Variants in MTUS2 observed in about 807,000 individuals in gnomAD.
MTUS2 encodes microtubule-associated tumor suppressor candidate 2.
Under a neutral mutation model 114.1 loss-of-function variants are expected in MTUS2, and 40 were observed. The ratio of observed to expected loss-of-function variants is 0.35; its 90% CI spans 0.27 to 0.46. MTUS2 has a LOEUF of 0.46. MTUS2 is among the 20% of genes least tolerant of loss of function. MTUS2 has a pLI of 1.00. For synonymous variants in MTUS2, 688 were observed against 672.0 expected, an observed-to-expected ratio of 1.02 and a Z score of -0.37; for missense variants, 1,679 against 1,705.4, an observed-to-expected ratio of 0.98 and a Z score of 0.27.
At chr13:29,214,210 G>A (rs1895582726) in intron 5 of MTUS2, among the ~76,000 whole-genome samples, 2 of 149,924 alleles carry the variant, frequency 1.3e-5, no homozygotes, top group South Asian at 4.2e-4. Context: ...CATTTGCTTG[G>A]TAAGTATTCC....
intron 2 of MTUS2, among the ~76,000 whole-genome samples, chr13:28,933,209 A>G (rs1381674250): frequency 2.0e-5 from 3 of 151,782 alleles, no homozygotes; most frequent in Non-Finnish European, 4.4e-5. Context: ...ATTGGCCCAC[A>G]TGATTGTGAG....
At chr13:28,871,897 C>A (rs73454653) in intron 2 of MTUS2, among the ~76,000 whole-genome samples, 3 of 151,896 alleles carry the variant, frequency 2.0e-5, no homozygotes, top group Non-Finnish European at 4.4e-5. Context: ...TGCAAAGGCC[C>A]GGTGGAGGGA....
chr13:28,970,167 A>G (rs950130120), intron 2 of MTUS2, among the ~76,000 whole-genome samples: 1 of 152,216 alleles, frequency 6.6e-6, no homozygotes, highest in African/African-American at 2.4e-5. Flanking sequence ...ATTTAGTTTT[A>G]TTTTTATGAA....
chr13:29,013,529 T>C (rs1885938695), intron 2 of MTUS2, among the ~76,000 whole-genome samples: 1 of 152,234 alleles, frequency 6.6e-6, no homozygotes, highest in Admixed American at 6.5e-5. Flanking sequence ...CCCTCTTTCC[T>C]TATGAAATCA....
At chr13:29,047,734 C>A (rs964223391) in intron 4 of MTUS2, among the ~76,000 whole-genome samples, 4 of 152,042 alleles carry the variant, frequency 2.6e-5, no homozygotes, top group African/African-American at 9.7e-5. Context: ...AGGATGGTCT[C>A]GATCTCCTGA....
intron 2 of MTUS2, among the ~76,000 whole-genome samples, chr13:28,897,290 A>G (rs988306512): frequency 8.5e-5 from 13 of 152,358 alleles, no homozygotes; most frequent in East Asian, 7.7e-4. Flanking sequence ...CAAAAAACAC[A>G]TGAAAAAATG....
rs146685780 is a variant in MTUS2, at chr13:29,212,383, C to T, written c.2645-69321C>T. Among the ~76,000 whole-genome samples, 516 of 152,304 alleles carry T rather than the reference C, an allele frequency of 3.4e-3. 4 individuals carry two copies. The highest frequency in any genetic ancestry group is 0.012 in the African/African-American group (490 of 41,566). On this transcript the variant is annotated intron_variant, in intron 5 of 15. Coordinates refer to ENST00000612955, the MANE Select transcript of MTUS2 (RefSeq NM_001033602.4). Reference sequence around the variant, plus strand: ...ACACCACATGTGTGGGGTTTCCACACCAAGCAATTCTCCACTTCTCTGTGG... The same window carrying T: ...ACACCACATGTGTGGGGTTTCCACATCAAGCAATTCTCCACTTCTCTGTGG...
chr13:29,263,944 A>G (rs746357483), intron 5 of MTUS2, among the ~76,000 whole-genome samples: 1 of 152,206 alleles, frequency 6.6e-6, no homozygotes, highest in Non-Finnish European at 1.5e-5. Context: ...TCCCCTGCAC[A>G]TAGTCTCCCA....
At chr13:29,168,820 C>G (rs946027575) in intron 5 of MTUS2, among the ~76,000 whole-genome samples, 6 of 151,486 alleles carry the variant, frequency 4.0e-5, no homozygotes, top group African/African-American at 1.2e-4. Flanking sequence ...TAAGCCTGGC[C>G]CCAGGGGGAG....
intron 2 of MTUS2, among the ~76,000 whole-genome samples, chr13:28,931,146 T>C (rs1340223999): frequency 6.6e-6 from 1 of 152,268 alleles, no homozygotes; most frequent in Non-Finnish European, 1.5e-5. Flanking sequence ...TCCTTGACTT[T>C]GGGCATGGCC....
At chr13:28,993,400 C>A (rs982320985) in intron 2 of MTUS2, among the ~76,000 whole-genome samples, 1 of 152,136 alleles carries the variant, frequency 6.6e-6, no homozygotes, top group Non-Finnish European at 1.5e-5. Context: ...TAGCCAATAC[C>A]TGTTATTTTG....
intron 2 of MTUS2, among the ~76,000 whole-genome samples, chr13:29,004,432 A>C (rs998055929): frequency 6.6e-6 from 1 of 152,212 alleles, no homozygotes; most frequent in Non-Finnish European, 1.5e-5. Flanking sequence ...TGAAATGCTT[A>C]TTTATATAGT....
intron 9 of MTUS2, among the ~76,000 whole-genome samples, chr13:29,451,990 C>T (rs988106288): frequency 6.6e-6 from 1 of 152,150 alleles, no homozygotes; most frequent in Admixed American, 6.5e-5. Context: ...AATTACCTGC[C>T]CCTCTTATAG....
chr13:29,190,696 T>C (rs1436066343), intron 5 of MTUS2, among the ~76,000 whole-genome samples: 2 of 152,204 alleles, frequency 1.3e-5, no homozygotes, highest in Non-Finnish European at 2.9e-5. Context: ...TTCCTAATTA[T>C]TGGATTGTAA....
intron 5 of MTUS2, among the ~76,000 whole-genome samples, chr13:29,146,743 T>A (rs563446696): frequency 7.9e-5 from 12 of 152,176 alleles, no homozygotes; most frequent in Non-Finnish European, 1.2e-4. Context: ...TCACATTGTC[T>A]TGGTGAAGTT....
intron 8 of MTUS2, among the ~76,000 whole-genome samples, chr13:29,436,190 T>A (rs1178696153): frequency 6.6e-6 from 1 of 152,188 alleles, no homozygotes; most frequent in Non-Finnish European, 1.5e-5. Context: ...AGGCCGAGGC[T>A]CAGTGCAATT....
At chr13:29,200,628 C>A (rs1050413829) in intron 5 of MTUS2, among the ~76,000 whole-genome samples, 1 of 143,440 alleles carries the variant, frequency 7.0e-6, no homozygotes, top group African/African-American at 2.6e-5. Context: ...TCAAGCGATT[C>A]TTCTGCCTTA....
chr13:29,041,219 T>C (rs1397473468), intron 4 of MTUS2, among the ~76,000 whole-genome samples: 2 of 152,160 alleles, frequency 1.3e-5, no homozygotes, highest in African/African-American at 4.8e-5. Context: ...TTCTCCAGTT[T>C]ATGTTTTTGT....
At chr13:29,458,469 A>G (rs548414079) in intron 9 of MTUS2, among the ~76,000 whole-genome samples, 17 of 152,340 alleles carry the variant, frequency 1.1e-4, no homozygotes, top group African/African-American at 3.8e-4. Flanking sequence ...GTGAGAAAAC[A>G]TGCATGCCAG....
Sources: allele counts gnomAD v4.1 joint callset (sites outside exome capture counted in the v4.1 genomes callset), GRCh38; gene constraint gnomAD v4.1.1; transcripts MANE v1.5; gene names NCBI Gene and HGNC (gene_info 2026-07-23, HGNC 2026-07-21).